Variants in ADAMTSL1 observed in about 807,000 individuals in gnomAD.
ADAMTSL1 encodes the protein ADAMTS like 1, also known as ADAMTS-like protein 1.
A neutral mutation model predicts 201.8 loss-of-function variants in ADAMTSL1; 126 were observed. The ratio of observed to expected loss-of-function variants is 0.62; its 90% CI spans 0.54 to 0.72. The LOEUF (loss-of-function observed/expected upper bound fraction) is 0.72. Ranked by LOEUF, ADAMTSL1 falls within the 30% of genes least tolerant of loss-of-function variation. ADAMTSL1 has a pLI of 0.00. For synonymous variants in ADAMTSL1, 1,121 were observed against 903.4 expected (o/e 1.24, Z -4.32); for missense variants, 2,679 against 2,277.8 (o/e 1.18, Z -3.59).
chr9:18,436,942 T>G (rs1053919252), intron 2 of ADAMTSL1, among the ~76,000 whole-genome samples: 2 of 152,080 alleles, frequency 1.3e-5, no homozygotes, highest in African/African-American at 4.8e-5. Flanking sequence ...ACCATAAAGT[T>G]GTAGCCAACC....
chr9:18,828,725 A>C (rs1824783348), intron 22 of ADAMTSL1, among the ~76,000 whole-genome samples: 1 of 129,916 alleles, frequency 7.7e-6, no homozygotes, highest in African/African-American at 2.8e-5. Context: ...ATATATATGT[A>C]CACACACACA....
chr9:18,331,713 A>G (rs1835036252), intron 2 of ADAMTSL1, among the ~76,000 whole-genome samples: 1 of 152,174 alleles, frequency 6.6e-6, no homozygotes, highest in African/African-American at 2.4e-5. Flanking sequence ...TTTCCTTTCT[A>G]TCTTGAATTC....
chr9:18,706,708 G>T (rs761999876), intron 13 of ADAMTSL1, 39 bp from the exon 14 acceptor site: 6 of 1,534,266 alleles, frequency 3.9e-6, no homozygotes, highest in Non-Finnish European at 5.3e-6. Flanking sequence ...CCTGCCTGGG[G>T]CTTCTCATCC....
At chr9:17,981,315 T>A (rs1420228169) in intron 1 of ADAMTSL1, among the ~76,000 whole-genome samples, 1 of 152,252 alleles carries the variant, frequency 6.6e-6, no homozygotes, top group African/African-American at 2.4e-5. Flanking sequence ...TATTGCAGAC[T>A]GAACTGAGTA....
At chr9:18,364,380 A>G (rs955894104) in intron 2 of ADAMTSL1, among the ~76,000 whole-genome samples, 4 of 152,202 alleles carry the variant, frequency 2.6e-5, no homozygotes, top group African/African-American at 9.6e-5. Flanking sequence ...CTCAGGCGAC[A>G]ATTTTGGTTA....
At chr9:18,887,204 A>G (rs1828952650) in intron 23 of ADAMTSL1, among the ~76,000 whole-genome samples, 1 of 152,222 alleles carries the variant, frequency 6.6e-6, no homozygotes, top group South Asian at 2.1e-4. Context: ...TTGGGTAGAC[A>G]TTTGAGTTTA....
chr9:18,672,847 T>C (rs1829904407), intron 9 of ADAMTSL1, among the ~76,000 whole-genome samples: 1 of 152,160 alleles, frequency 6.6e-6, no homozygotes, highest in South Asian at 2.1e-4. Context: ...TTTCTACTGA[T>C]AGCACATCAC....
At chr9:18,026,671 T>C (rs1820709572) in intron 1 of ADAMTSL1, among the ~76,000 whole-genome samples, 1 of 152,082 alleles carries the variant, frequency 6.6e-6, no homozygotes, top group Non-Finnish European at 1.5e-5. Context: ...GTTTTCTTTT[T>C]TCGTTGTGTC....
At chr9:17,983,072 C>CTTTT (rs199805015) in intron 1 of ADAMTSL1, among the ~76,000 whole-genome samples, 6 of 100,310 alleles carry the variant, frequency 6.0e-5, no homozygotes, top group Admixed American at 1.3e-4. Flanking sequence ...TTCTTTCTTT[C>CTTTT]TTTCTTTTTT....
chr9:18,203,242 T>C (rs1397623364), intron 2 of ADAMTSL1, among the ~76,000 whole-genome samples: 1 of 152,054 alleles, frequency 6.6e-6, no homozygotes, highest in African/African-American at 2.4e-5. Flanking sequence ...ATGCCTCTAA[T>C]AGGATGCTGA....
chr9:18,320,903 G>A (rs1834590194), intron 2 of ADAMTSL1, among the ~76,000 whole-genome samples: 1 of 151,660 alleles, frequency 6.6e-6, no homozygotes, highest in Non-Finnish European at 1.5e-5. Flanking sequence ...TTCAAAAGAA[G>A]GCAAGAATAG....
chr9:18,369,059 G>A (rs147193242), intron 2 of ADAMTSL1, among the ~76,000 whole-genome samples: 20 of 152,292 alleles, frequency 1.3e-4, no homozygotes, highest in African/African-American at 4.3e-4. Context: ...CTGGAACTGT[G>A]TAATGTTATA....
chr9:18,743,927 C>G (rs555509710), intron 15 of ADAMTSL1, among the ~76,000 whole-genome samples: 2 of 152,192 alleles, frequency 1.3e-5, no homozygotes, highest in African/African-American at 4.8e-5. Context: ...CTATTTCCCT[C>G]TCTCTGTAAC....
At chr9:18,001,456 T>C (rs906696631) in intron 1 of ADAMTSL1, among the ~76,000 whole-genome samples, 3 of 151,938 alleles carry the variant, frequency 2.0e-5, no homozygotes, top group Non-Finnish European at 2.9e-5. Flanking sequence ...GGAAGTCAGA[T>C]GTAGAATAGG....
At chr9:18,425,248 G>A (rs543577267) in intron 2 of ADAMTSL1, among the ~76,000 whole-genome samples, 1 of 149,292 alleles carries the variant, frequency 6.7e-6, no homozygotes, top group Non-Finnish European at 1.5e-5. Context: ...TCCCAATCTC[G>A]TGTTCTCACC....
intron 2 of ADAMTSL1, among the ~76,000 whole-genome samples, chr9:18,409,796 G>A (rs920965137): frequency 6.0e-5 from 9 of 149,562 alleles, no homozygotes; most frequent in African/African-American, 2.2e-4. Flanking sequence ...CTCTCTAGAA[G>A]ACTCCAAATT....
chr9:18,061,705 G>C (rs367924398), intron 1 of ADAMTSL1, among the ~76,000 whole-genome samples: 51 of 152,292 alleles, frequency 3.3e-4, no homozygotes, highest in African/African-American at 1.2e-3. Flanking sequence ...TTTGTCTGAA[G>C]TTAGTGTCAT....
intron 1 of ADAMTSL1, among the ~76,000 whole-genome samples, chr9:17,957,975 T>A (rs1480582515): frequency 6.6e-6 from 1 of 152,164 alleles, no homozygotes; most frequent in Non-Finnish European, 1.5e-5. Context: ...TTTTGTTGTT[T>A]GAAGCCTCCC....
intron 23 of ADAMTSL1, among the ~76,000 whole-genome samples, chr9:18,845,278 C>G (rs1297629338): frequency 1.3e-5 from 2 of 152,208 alleles, no homozygotes; most frequent in African/African-American, 4.8e-5. Flanking sequence ...CATGTCAGCC[C>G]CACAGAAAGC....
Sources: allele counts gnomAD v4.1 joint callset (sites outside exome capture counted in the v4.1 genomes callset), GRCh38; gene constraint gnomAD v4.1.1; transcripts MANE v1.5; gene names NCBI Gene and HGNC (gene_info 2026-07-23, HGNC 2026-07-21).